SCN9A: variants seen among roughly 807,000 people sequenced by gnomAD.
The protein encoded by SCN9A is sodium channel protein type 9 subunit alpha.
In SCN9A, 131 loss-of-function variants were observed where a neutral mutation model predicts 187.0. The observed-to-expected ratio is 0.70, with a 90% confidence interval of 0.61 to 0.81. The LOEUF (loss-of-function observed/expected upper bound fraction) is 0.81. SCN9A is among the 30% of genes least tolerant of loss of function. The pLI is 0.00. For missense variants in SCN9A, 2,252 were observed against 2,396.6 expected (o/e 0.94, Z 1.26); for synonymous variants, 809 against 808.6 (o/e 1.00, Z -0.01).
chr2:166,222,930 C>CAAAAAAA (rs1369885268), intron 24 of SCN9A, among the ~76,000 whole-genome samples: 1 of 19,536 alleles, frequency 5.1e-5, no homozygotes, highest in Admixed American at 4.4e-4. Context: ...AACTCCGTCT[C>CAAAAAAA]AAAAAAAAAA....
At chr2:166,350,857 A>G (rs897638312) in intron 1 of SCN9A, among the ~76,000 whole-genome samples, 5 of 152,332 alleles carry the variant, frequency 3.3e-5, no homozygotes, top group African/African-American at 1.2e-4. Flanking sequence ...GCAGTATATT[A>G]TTAATCAAAA....
intron 1 of SCN9A, among the ~76,000 whole-genome samples, chr2:166,312,454 T>C (rs1449121999): frequency 6.6e-6 from 1 of 152,172 alleles, no homozygotes; most frequent in Non-Finnish European, 1.5e-5. Flanking sequence ...AAACCTCTCA[T>C]AGTCATCCAT....
chr2:166,299,801 C>T (rs751327329), intron 7 of SCN9A, among the ~76,000 whole-genome samples: 9 of 150,808 alleles, frequency 6.0e-5, no homozygotes, highest in Non-Finnish European at 1.3e-4. Flanking sequence ...TCCACCTGGA[C>T]ATCTCAAAGG....
chr2:166,334,433 A>G (rs1488693253), intron 1 of SCN9A, among the ~76,000 whole-genome samples: 1 of 152,054 alleles, frequency 6.6e-6, no homozygotes, highest in Non-Finnish European at 1.5e-5. Context: ...AATAAATATC[A>G]CACCTTTATG....
intron 24 of SCN9A, 189 bp from the exon 25 acceptor site, chr2:166,204,653 C>T (rs989836618): frequency 4.9e-5 from 18 of 363,682 alleles, no homozygotes; most frequent in African/African-American, 3.4e-4. Context: ...TCTCCAAACA[C>T]AGTTAAATGT....
In SCN9A at chr2:166,367,568, C is replaced by G. The variant is rs992323104; in HGVS notation, c.-51+8129G>C. On this transcript the variant is annotated intron_variant, in intron 1 of 26. Coordinates refer to ENST00000642356, the MANE Select transcript of SCN9A (RefSeq NM_001365536.1). ...GCGTAAGCCACCGCGCCTGGCCCAC[C>G]CTAGACATTTTATACATATTTCCCT... Among the ~76,000 whole-genome samples the G allele has an allele frequency of 2.3e-4, 35 of 152,044 alleles. 1 individual carries two copies. Among genetic ancestry groups the G allele is most frequent in the African/African-American group, 7.7e-4 (32 of 41,538 alleles).
intron 20 of SCN9A, among the ~76,000 whole-genome samples, chr2:166,237,301 T>A (rs746832437): frequency 1.3e-5 from 2 of 151,918 alleles, no homozygotes; most frequent in Non-Finnish European, 2.9e-5. Flanking sequence ...ATTTTAAGAT[T>A]TCTTCTCTAT....
intron 7 of SCN9A, chr2:166,300,860 AAAGAT>A (rs1333482928): frequency 6.6e-6 from 1 of 150,838 alleles, no homozygotes; most frequent in Non-Finnish European, 1.5e-5. Flanking sequence ...AATATAATAT[AAAGAT>A]AATTCACATA....
intron 6 of SCN9A, among the ~76,000 whole-genome samples, chr2:166,303,723 G>T (rs1452443544): frequency 6.6e-6 from 1 of 152,070 alleles, no homozygotes; most frequent in African/African-American, 2.4e-5. Flanking sequence ...TCCCCATGCT[G>T]ATATTTATGA....
chr2:166,225,833 A>G (rs1574754824), intron 24 of SCN9A, among the ~76,000 whole-genome samples: 1 of 152,136 alleles, frequency 6.6e-6, no homozygotes, highest in African/African-American at 2.4e-5. Flanking sequence ...CCATAAACCA[A>G]GAAACACCTG....
At chr2:166,303,531 A>T (rs1209081435) in intron 6 of SCN9A, among the ~76,000 whole-genome samples, 2 of 152,158 alleles carry the variant, frequency 1.3e-5, no homozygotes, top group East Asian at 3.8e-4. Flanking sequence ...GGTTGTCAAA[A>T]TGAACAATTT....
In SCN9A at chr2:166,303,221, C is replaced by G. The variant is rs750377110; in HGVS notation, c.770G>C (p.Ser257Thr). 19 of 1,613,608 alleles carry G rather than the reference C, an allele frequency of 1.2e-5. No homozygotes were observed. In the South Asian group the frequency reaches 2.0e-4, roughly 17 times the overall value. ...DVMILTVFCL[S>T]VFALIGLQLF... ...CTGTAGTCCAATTAGTGCAAACACA[C>G]TCAGACAGAACACAGTCAGGATCAT... is the stretch of plus-strand genomic sequence containing the variant. The change falls in exon 7 of 27, where the codon AGT (serine) becomes ACT (threonine). Residue 257 changes from serine to threonine, a missense_variant. By Grantham distance (58) the Ser-to-Thr change is moderately conservative. Coordinates refer to ENST00000642356, the MANE Select transcript of SCN9A (RefSeq NM_001365536.1).
At chr2:166,209,869 C>T (rs1318161520) in intron 24 of SCN9A, among the ~76,000 whole-genome samples, 4 of 152,174 alleles carry the variant, frequency 2.6e-5, no homozygotes, top group Non-Finnish European at 5.9e-5. Flanking sequence ...GGACTGTAAA[C>T]TAGTTCAACC....
intron 17 of SCN9A, among the ~76,000 whole-genome samples, chr2:166,271,552 AC>A (rs1207385384): frequency 6.6e-6 from 1 of 152,048 alleles, no homozygotes; most frequent in Non-Finnish European, 1.5e-5. Flanking sequence ...TGTGCACAGT[AC>A]ATAATTCGAG....
intron 21 of SCN9A, among the ~76,000 whole-genome samples, chr2:166,231,797 C>T (rs75446410): frequency 0.013 from 1,968 of 151,972 alleles, 41 homozygotes; most frequent in East Asian, 0.067. Context: ...ATGATCCGTC[C>T]GTCTTTTTAA....
chr2:166,261,449 C>T (rs1696500001), intron 17 of SCN9A, among the ~76,000 whole-genome samples: 1 of 151,822 alleles, frequency 6.6e-6, no homozygotes, highest in Non-Finnish European at 1.5e-5. Context: ...CTTTCTCTAC[C>T]TGGGTATTGG....
chr2:166,345,180 C>T (rs1033667610), intron 1 of SCN9A, among the ~76,000 whole-genome samples: 1 of 151,912 alleles, frequency 6.6e-6, no homozygotes, highest in African/African-American at 2.4e-5. Context: ...ATGAATGAAT[C>T]AATCAATGAA....
At chr2:166,200,240 G>A (rs920478060) in intron 26 of SCN9A, among the ~76,000 whole-genome samples, 5 of 150,796 alleles carry the variant, frequency 3.3e-5, no homozygotes, top group African/African-American at 4.9e-5. Flanking sequence ...CTCGTGATCC[G>A]CCCGCCTCGG....
Position 166,228,896 on chromosome 2 carries a change from A to G in SCN9A, c.4001T>C (p.Ile1334Thr). 6.2e-7 allele frequency: 1 copy of G among 1,613,584 alleles called. No homozygotes were observed. The highest frequency in any genetic ancestry group is 1.1e-5 in the South Asian group (1 of 91,078). Reference protein sequence around the residue: ...VLLVCLIFWLIFSIMGVNLFA... With the variant: ...VLLVCLIFWLTFSIMGVNLFA... Reference sequence around the variant, plus strand: ...CAAATTTACTCCCATGATGCTGAATATCAGCCAGAATATAAGACACACAAG... The same window carrying G: ...CAAATTTACTCCCATGATGCTGAATGTCAGCCAGAATATAAGACACACAAG... Residue 1334 changes from isoleucine to threonine, a missense_variant, in exon 22 of 27, where the codon ATA (isoleucine) becomes ACA (threonine). Ile to Thr is a moderately conservative substitution (Grantham distance 89). Transcript: ENST00000642356.
Sources: gnomAD v4.1 joint callset for allele counts (sites outside exome capture counted in the v4.1 genomes callset) on GRCh38, gnomAD v4.1.1 for gene constraint, MANE v1.5 for transcripts, NCBI Gene and HGNC (gene_info 2026-07-23, HGNC 2026-07-21) for gene names.